KIAA1217: variants seen among roughly 807,000 people sequenced by gnomAD.
KIAA1217 encodes sickle tail protein homolog.
A neutral mutation model predicts 163.9 loss-of-function variants in KIAA1217; 88 were observed. The observed-to-expected ratio is 0.54, with a 90% confidence interval of 0.45 to 0.64. The LOEUF (loss-of-function observed/expected upper bound fraction) is 0.64. KIAA1217 is among the 30% of genes least tolerant of loss of function. The pLI, the probability that KIAA1217 is intolerant of heterozygous loss-of-function variation, is 0.00. For missense variants in KIAA1217, 2,372 were observed against 2,475.0 expected, an observed-to-expected ratio of 0.96 and a Z score of 0.88; for synonymous variants, 903 against 923.1, an observed-to-expected ratio of 0.98 and a Z score of 0.39.
chr10:23,944,536 T>G (rs1843928022), intron 1 of KIAA1217, among the ~76,000 whole-genome samples: 1 of 151,826 alleles, frequency 6.6e-6, no homozygotes, highest in Non-Finnish European at 1.5e-5. Flanking sequence ...GAGCACATGC[T>G]TCACCAAAGA....
At chr10:24,093,937 G>A (rs1285605634) in intron 2 of KIAA1217, among the ~76,000 whole-genome samples, 2 of 151,546 alleles carry the variant, frequency 1.3e-5, no homozygotes, top group African/African-American at 4.9e-5. Flanking sequence ...TACTGAGAAT[G>A]ATGATTTCCA....
chr10:23,960,541 G>A (rs529839741), intron 1 of KIAA1217, among the ~76,000 whole-genome samples: 21 of 152,330 alleles, frequency 1.4e-4, no homozygotes, highest in Admixed American at 2.6e-4. Flanking sequence ...ACAGGCGTGA[G>A]CCACCACGCC....
intron 2 of KIAA1217, among the ~76,000 whole-genome samples, chr10:24,246,302 T>C (rs1171475556): frequency 6.6e-6 from 1 of 152,190 alleles, no homozygotes; most frequent in Non-Finnish European, 1.5e-5. Flanking sequence ...CCCCTTTTAA[T>C]TGCTGGTTAG....
intron 1 of KIAA1217, among the ~76,000 whole-genome samples, chr10:23,903,477 T>C (rs796953679): frequency 2.0e-5 from 3 of 152,048 alleles, no homozygotes; most frequent in Admixed American, 6.6e-5. Flanking sequence ...AAAACTGTAG[T>C]GTTATGCCTA....
intron 9 of KIAA1217, among the ~76,000 whole-genome samples, chr10:24,501,825 T>C (rs2067655539): frequency 7.5e-6 from 1 of 133,930 alleles, no homozygotes; most frequent in Non-Finnish European, 1.5e-5. Context: ...CTCGGCTCAC[T>C]GCAAGCTCCG....
At chr10:24,522,079 C>A (rs139733972) in intron 12 of KIAA1217, 150 bp downstream of exon 12, 27 of 816,416 alleles carry the variant, frequency 3.3e-5, no homozygotes, top group Non-Finnish European at 4.6e-5. Context: ...CACCCTTGAA[C>A]TTTTATTGCA....
intron 2 of KIAA1217, among the ~76,000 whole-genome samples, chr10:24,294,267 G>A (rs2079458340): frequency 7.0e-6 from 1 of 143,746 alleles, no homozygotes; most frequent in Admixed American, 7.1e-5. Context: ...CTCTACATTT[G>A]CCTGCTTGGT....
At chr10:23,710,164 T>C (rs1157744565) in intron 1 of KIAA1217, among the ~76,000 whole-genome samples, 1 of 150,498 alleles carries the variant, frequency 6.6e-6, no homozygotes, top group African/African-American at 2.5e-5. Context: ...CGGGGCCTTC[T>C]GTTACCTTAT....
At position 24,413,464 on chromosome 10, in the gene KIAA1217, G is replaced by A. The variant is rs960526349; in HGVS notation, c.554-19531G>A. Among the ~76,000 whole-genome samples the A allele has an allele frequency of 3.9e-5, 6 of 152,046 alleles. No homozygotes were observed. In the South Asian group the frequency reaches 8.3e-4, roughly 21 times the overall value. On this transcript the variant is annotated intron_variant, in intron 3 of 20. Transcript: ENST00000376454. ...TAGGATTACAGGCATGAGCCACCAC[G>A]CCCAGCCCCGTAGTTAATTTTTAAC... is the stretch of plus-strand genomic sequence containing the variant.
intron 2 of KIAA1217, among the ~76,000 whole-genome samples, chr10:24,247,963 A>T (rs2074014210): frequency 6.6e-6 from 1 of 152,200 alleles, no homozygotes; most frequent in Admixed American, 6.5e-5. Flanking sequence ...TTTAAACAGA[A>T]ATGGTTGCCC....
At chr10:23,730,180 C>A (rs534836503) in intron 1 of KIAA1217, among the ~76,000 whole-genome samples, 2 of 152,146 alleles carry the variant, frequency 1.3e-5, no homozygotes, top group Non-Finnish European at 2.9e-5. Context: ...GGATTACAGG[C>A]GTGAGCCACC....
At chr10:23,723,817 T>C (rs1170265767) in intron 1 of KIAA1217, among the ~76,000 whole-genome samples, 1 of 152,188 alleles carries the variant, frequency 6.6e-6, no homozygotes, top group Non-Finnish European at 1.5e-5. Flanking sequence ...AATAAATACA[T>C]GTGTATTAGG....
intron 1 of KIAA1217, among the ~76,000 whole-genome samples, chr10:23,984,903 A>G (rs1485765304): frequency 6.6e-6 from 1 of 151,802 alleles, no homozygotes; most frequent in Non-Finnish European, 1.5e-5. Flanking sequence ...TGTTTGGCAC[A>G]TGTATCCCAG....
intron 2 of KIAA1217, among the ~76,000 whole-genome samples, chr10:24,034,880 C>T (rs1203867868): frequency 1.3e-5 from 2 of 150,554 alleles, no homozygotes; most frequent in African/African-American, 4.9e-5. Context: ...CTGCTGGATT[C>T]CCATGACACG....
At chr10:23,951,187 G>A (rs1280047618) in intron 1 of KIAA1217, among the ~76,000 whole-genome samples, 3 of 152,140 alleles carry the variant, frequency 2.0e-5, no homozygotes, top group Admixed American at 2.0e-4. Context: ...TGAGGCAAGA[G>A]CATCTAAGCT....
At chr10:24,487,451 A>G (rs975514846) in intron 6 of KIAA1217, among the ~76,000 whole-genome samples, 1 of 152,262 alleles carries the variant, frequency 6.6e-6, no homozygotes, top group Non-Finnish European at 1.5e-5. Flanking sequence ...TCCCGAGGCC[A>G]TGAAGAAAAT....
chr10:23,724,066 C>T (rs2130770614), intron 1 of KIAA1217, among the ~76,000 whole-genome samples: 1 of 152,234 alleles, frequency 6.6e-6, no homozygotes, highest in South Asian at 2.1e-4. Context: ...CCTAAGAACT[C>T]ACTCACTCCT....
intron 2 of KIAA1217, among the ~76,000 whole-genome samples, chr10:24,203,032 A>T (rs188225709): frequency 1.0e-3 from 157 of 152,194 alleles, no homozygotes; most frequent in Non-Finnish European, 1.7e-3. Flanking sequence ...TCTACAAAAA[A>T]ATATAAAATT....
At chr10:24,201,964 C>T (rs1274904056) in intron 2 of KIAA1217, among the ~76,000 whole-genome samples, 1 of 152,150 alleles carries the variant, frequency 6.6e-6, no homozygotes, top group Non-Finnish European at 1.5e-5. Context: ...CCCAATTCTT[C>T]CTGGTGTTCT....
Sources: gnomAD v4.1 joint callset for allele counts (sites outside exome capture counted in the v4.1 genomes callset) on GRCh38, gnomAD v4.1.1 for gene constraint, MANE v1.5 for transcripts, NCBI Gene and HGNC (gene_info 2026-07-23, HGNC 2026-07-21) for gene names.